MICAL3: variants seen among roughly 807,000 people sequenced by gnomAD.
The protein encoded by MICAL3 is microtubule associated monooxygenase, calponin and LIM domain containing 3.
MICAL3 carries 62 observed loss-of-function variants against 207.4 expected under a neutral mutation model. The observed-to-expected ratio is 0.30, with a 90% CI of 0.24 to 0.37. The LOEUF (loss-of-function observed/expected upper bound fraction) is 0.37, where lower values mean the gene tolerates loss of function less well. Among genes scored for constraint, MICAL3 ranks in the 10% least tolerant of loss-of-function variants. MICAL3 has a pLI of 1.00. For missense variants in MICAL3, 2,368 were observed against 2,635.6 expected (o/e 0.90, Z 2.22); for synonymous variants, 1,077 against 1,069.3 (o/e 1.01, Z -0.14).
At chr22:18,005,460 AC>A (rs1923326406) in intron 1 of MICAL3, 1 of 152,168 alleles carries the variant, frequency 6.6e-6, no homozygotes, top group African/African-American at 2.4e-5. Context: ...CTGCGTGAAC[AC>A]AACCTTTTTA....
At chr22:17,927,408 C>A (rs1391871573) in intron 1 of MICAL3, among the ~76,000 whole-genome samples, 2 of 152,166 alleles carry the variant, frequency 1.3e-5, no homozygotes, top group East Asian at 3.8e-4. Context: ...ACAAATACAC[C>A]CTGCTCAAGT....
intron 1 of MICAL3, among the ~76,000 whole-genome samples, chr22:18,018,438 T>A (rs549327174): frequency 6.6e-6 from 1 of 152,112 alleles, no homozygotes; most frequent in Non-Finnish European, 1.5e-5. Context: ...AATATACATA[T>A]ACAGGCTGGA....
In MICAL3 at chr22:17,831,929, C is replaced by T. The variant is rs1387352042; in HGVS notation, c.2980G>A (p.Glu994Lys). Residue 994 changes from glutamate (E) to lysine (K), a missense_variant, in exon 21 of 32, where the codon GAG becomes AAG. Physicochemically the swap from Glu to Lys is moderately conservative, Grantham distance 56. This residue lies in a region of MICAL3 where 1,770 missense variants were observed against 1,863.2 expected (regional missense o/e 0.95). Transcript: ENST00000441493. ...TCATATTCTTCCTCCTCCTCCTCCTCCTCTTCATTCCCAGGCCCAAAGCTC... is the reference window on the plus strand; with the variant it reads ...TCATATTCTTCCTCCTCCTCCTCCTTCTCTTCATTCCCAGGCCCAAAGCTC... The part of the protein sequence containing the change: ...SKSFGPGNEE[E>K]EEEEEEYEEE... 1 of 1,569,768 alleles carries T rather than the reference C, an allele frequency of 6.4e-7. No homozygotes were observed. The highest frequency in any genetic ancestry group is 1.9e-5 in the Admixed American group (1 of 52,902).
Position 17,816,494 on chromosome 22 carries a change from C to T in MICAL3, c.5445+196G>A, listed in dbSNP as rs187213205. Among the ~76,000 whole-genome samples, 33 of 152,374 alleles carry T rather than the reference C, an allele frequency of 2.2e-4. No individual in the cohort carries two copies. In the South Asian group the frequency reaches 3.7e-3, roughly 17 times the overall value. ...CAGAAGCCCTTGCTGTGGATGCCAA[C>T]GGCCCTAGCTCCCATGTAGAAAGCC... On this transcript the variant is annotated intron_variant, in intron 27 of 31. Transcript: ENST00000441493.
intron 29 of MICAL3, among the ~76,000 whole-genome samples, chr22:17,804,415 G>T (rs528097661): frequency 6.6e-6 from 1 of 152,230 alleles, no homozygotes. Context: ...CACTTTTGCC[G>T]AATGGGTTTG....
intron 15 of MICAL3, among the ~76,000 whole-genome samples, 165 bp from the exon 16 acceptor site, chr22:17,886,216 G>A (rs568951742): frequency 2.6e-5 from 4 of 152,306 alleles, no homozygotes; most frequent in East Asian, 1.9e-4. Flanking sequence ...AGGTAGGGCC[G>A]TATAAAGAGT....
chr22:17,837,696 G>A (rs2146060199), intron 20 of MICAL3, among the ~76,000 whole-genome samples: 1 of 152,324 alleles, frequency 6.6e-6, no homozygotes, highest in South Asian at 2.1e-4. Context: ...CTGGGCCAAG[G>A]GTCTGTGACA....
chr22:17,873,920 G>GC (rs1169293471), intron 16 of MICAL3, among the ~76,000 whole-genome samples: 3 of 152,208 alleles, frequency 2.0e-5, no homozygotes, highest in African/African-American at 7.2e-5. Context: ...GGGGCTCCCT[G>GC]CCCCCTGGGG....
intron 17 of MICAL3, among the ~76,000 whole-genome samples, chr22:17,866,628 T>TAGAAC (rs1569103126): frequency 1.4e-5 from 2 of 142,420 alleles, no homozygotes; most frequent in East Asian, 4.3e-4. Flanking sequence ...TAGAATAGAA[T>TAGAAC]AGAATAGAAT....
chr22:17,956,532 G>A (rs1165825884), intron 1 of MICAL3, among the ~76,000 whole-genome samples: 6 of 152,166 alleles, frequency 3.9e-5, no homozygotes, highest in African/African-American at 9.7e-5. Flanking sequence ...AGCCAGGTGT[G>A]GTGGTGCATG....
intron 29 of MICAL3, among the ~76,000 whole-genome samples, chr22:17,807,800 G>A (rs2062003121): frequency 6.6e-6 from 1 of 152,172 alleles, no homozygotes; most frequent in Admixed American, 6.6e-5. Context: ...GCTCCTGGCC[G>A]CCTCCTCCCA....
intron 1 of MICAL3, among the ~76,000 whole-genome samples, chr22:18,020,613 T>TAAAC (rs538375933): frequency 1.8e-4 from 22 of 119,758 alleles, no homozygotes; most frequent in African/African-American, 7.0e-4. Context: ...CTTTAAAAAG[T>TAAAC]AAAAAAAAAA....
intron 1 of MICAL3, among the ~76,000 whole-genome samples, chr22:17,964,840 T>C (rs1373081992): frequency 6.6e-6 from 1 of 152,232 alleles, no homozygotes; most frequent in African/African-American, 2.4e-5. Context: ...ATTGCTCAGC[T>C]GGGACACTGG....
intron 20 of MICAL3, among the ~76,000 whole-genome samples, chr22:17,834,784 C>T (rs80133101): frequency 0.048 from 7,331 of 152,260 alleles, 216 homozygotes; most frequent in African/African-American, 0.073. Context: ...TTCTGCCTTA[C>T]GCTTGTGTTT....
chr22:17,983,003 G>A (rs961874402), intron 1 of MICAL3, among the ~76,000 whole-genome samples: 5 of 152,084 alleles, frequency 3.3e-5, no homozygotes, highest in African/African-American at 1.2e-4. Context: ...GAAGGACCTT[G>A]GGCTGAGGCC....
chr22:17,960,504 C>T (rs1018040842), intron 1 of MICAL3, among the ~76,000 whole-genome samples: 4 of 152,168 alleles, frequency 2.6e-5, no homozygotes, highest in African/African-American at 7.2e-5. Flanking sequence ...GCGAACCCAG[C>T]ATATGGGAAG....
chr22:17,842,883 AG>A (rs1203334651), intron 19 of MICAL3, among the ~76,000 whole-genome samples: 1 of 152,112 alleles, frequency 6.6e-6, no homozygotes, highest in Non-Finnish European at 1.5e-5. Flanking sequence ...GCACTTGGGG[AG>A]GCCGATGCAG....
intron 19 of MICAL3, chr22:17,864,578 C>T (rs370538991): frequency 3.1e-5 from 46 of 1,470,936 alleles, no homozygotes; most frequent in East Asian, 2.5e-4. Context: ...GGACCTGGGC[C>T]GCCCTCAGGT....
intron 3 of MICAL3, 128 bp downstream of exon 3, chr22:17,904,502 GAA>G: frequency 1.3e-6 from 1 of 744,816 alleles, no homozygotes. Context: ...CTTACTATAA[GAA>G]AGACAGTAAT....
Sources: allele counts gnomAD v4.1 joint callset (sites outside exome capture counted in the v4.1 genomes callset), GRCh38; gene constraint gnomAD v4.1.1; regional missense constraint gnomAD v4.1.1; transcripts MANE v1.5; gene names NCBI Gene and HGNC (gene_info 2026-07-23, HGNC 2026-07-21).